Variants in RBM26 observed in about 807,000 individuals in gnomAD.
The protein encoded by RBM26 is RNA-binding protein 26.
Under a neutral mutation model 123.6 loss-of-function variants are expected in RBM26, and 30 were observed. The observed-to-expected ratio is 0.24, with a 90% confidence interval of 0.18 to 0.33. The LOEUF is 0.33. Among genes scored for constraint, RBM26 ranks in the 10% least tolerant of loss-of-function variants. The probability of loss-of-function intolerance (pLI) is 1.00; values close to 1 mark genes in which losing one functional copy is unlikely to be tolerated. For missense variants in RBM26, 947 were observed against 1,203.6 expected (o/e 0.79, Z 3.15); for synonymous variants, 400 against 404.4 (o/e 0.99, Z 0.13).
chr13:79,387,641 C>T (rs1410334), intron 1 of RBM26, among the ~76,000 whole-genome samples: 21,636 of 151,780 alleles, frequency 0.14, 3,807 homozygotes, highest in African/African-American at 0.42. Flanking sequence ...GCTTTCACCA[C>T]CTTGCGCTCT....
At chr13:79,339,241 T>C (rs962306970) in intron 18 of RBM26, among the ~76,000 whole-genome samples, 16 of 152,196 alleles carry the variant, frequency 1.1e-4, no homozygotes, top group African/African-American at 3.1e-4. Context: ...AGCAGAATGG[T>C]GGTTACCAGG....
chr13:79,395,144 T>C (rs2078445934), intron 1 of RBM26, among the ~76,000 whole-genome samples: 1 of 152,282 alleles, frequency 6.6e-6, no homozygotes, highest in South Asian at 2.1e-4. Context: ...ACACAAAAGA[T>C]CTAGCATAAA....
At chr13:79,373,464 A>T (rs1376764695) in intron 3 of RBM26, among the ~76,000 whole-genome samples, 46,915 of 66,160 alleles carry the variant, frequency 0.71, 13,978 homozygotes, top group South Asian at 0.73. Context: ...AATATATATA[A>T]TATGTATAAA....
chr13:79,323,406 TAA>T (rs2067937247), intron 20 of RBM26, among the ~76,000 whole-genome samples: 3 of 151,612 alleles, frequency 2.0e-5, no homozygotes, highest in African/African-American at 7.2e-5. Flanking sequence ...ATGATAAATT[TAA>T]AAGATTTCAT....
intron 1 of RBM26, among the ~76,000 whole-genome samples, chr13:79,386,611 A>AAAAAAAAAAG: frequency 7.2e-6 from 1 of 139,326 alleles, no homozygotes; most frequent in Non-Finnish European, 1.6e-5. Context: ...AAAAAAAAAA[A>AAAAAAAAAAG]GGTGTATCTG....
chr13:79,401,963 T>G (rs1490460899), intron 1 of RBM26, among the ~76,000 whole-genome samples: 2 of 152,056 alleles, frequency 1.3e-5, no homozygotes. Flanking sequence ...TACATCCACC[T>G]GCCCCTCAAT....
intron 1 of RBM26, among the ~76,000 whole-genome samples, chr13:79,387,964 G>T (rs1288872954): frequency 6.6e-6 from 1 of 152,140 alleles, no homozygotes; most frequent in Non-Finnish European, 1.5e-5. Context: ...AGATAACTAT[G>T]CCTGCCTTTT....
intron 19 of RBM26, among the ~76,000 whole-genome samples, chr13:79,336,663 A>G (rs1222587995): frequency 6.6e-6 from 1 of 152,228 alleles, no homozygotes; most frequent in Non-Finnish European, 1.5e-5. Flanking sequence ...ACACTGACGG[A>G]GGCAACTTCA....
Position 79,319,788 on chromosome 13 carries a change from G to A in RBM26, c.*833C>T, listed in dbSNP as rs2067469630. The A allele has an allele frequency of 2.0e-6, 2 of 977,050 alleles. No homozygotes were observed. The highest frequency in any genetic ancestry group is 4.7e-5 in the South Asian group (1 of 21,142). The allele number at this position is 977,050 out of a possible 1,614,324, so 60.5% of individuals were successfully genotyped here. Reference sequence around the variant, plus strand: ...AACATTGGATTGTACATTATTGTAAGGGTACCAGTAACCATTATTATTAAG... The same window carrying A: ...AACATTGGATTGTACATTATTGTAAAGGTACCAGTAACCATTATTATTAAG... On this transcript the variant is annotated 3_prime_UTR_variant, in exon 22 of 22. Coordinates refer to ENST00000438737, the MANE Select transcript of RBM26 (RefSeq NM_001366735.2).
At chr13:79,372,285 CA>C (rs1327460686) in intron 3 of RBM26, among the ~76,000 whole-genome samples, 1 of 151,938 alleles carries the variant, frequency 6.6e-6, no homozygotes, top group Non-Finnish European at 1.5e-5. Flanking sequence ...TGCCTCAAAA[CA>C]AACAAACAAA....
chr13:79,361,205 G>C (rs1340036104), intron 9 of RBM26, among the ~76,000 whole-genome samples: 2 of 151,854 alleles, frequency 1.3e-5, no homozygotes, highest in African/African-American at 4.8e-5. Context: ...AATCATCCCA[G>C]TCAAGTCATA....
chr13:79,372,699 A>C (rs538598711), intron 3 of RBM26, among the ~76,000 whole-genome samples: 1 of 143,098 alleles, frequency 7.0e-6, no homozygotes, highest in East Asian at 2.0e-4. Context: ...ATACATGTTT[A>C]TATATATAAA....
chr13:79,394,077 C>A (rs957229325), intron 1 of RBM26, among the ~76,000 whole-genome samples: 2 of 152,144 alleles, frequency 1.3e-5, no homozygotes, highest in African/African-American at 4.8e-5. Flanking sequence ...AAGCCGGGAT[C>A]CCCCGCAGAT....
At chr13:79,350,280 T>C (rs1232459896) in intron 14 of RBM26, among the ~76,000 whole-genome samples, 1 of 152,180 alleles carries the variant, frequency 6.6e-6, no homozygotes, top group Admixed American at 6.6e-5. Flanking sequence ...AATCTGATAT[T>C]TAAAGCTGAT....
chr13:79,381,040 G>A (rs1452796769), intron 1 of RBM26, among the ~76,000 whole-genome samples: 1 of 152,084 alleles, frequency 6.6e-6, no homozygotes, highest in Non-Finnish European at 1.5e-5. Context: ...AATAATAGCA[G>A]TAGTTAATTA....
In RBM26 at chr13:79,358,422, T is replaced by C. The variant is rs143209651; in HGVS notation, c.1541A>G (p.Asn514Ser). The stretch of plus-strand genomic sequence containing the variant: ...CTGAAAGCCTGGGCTGTTTGTTCTA[T>C]TAAAATTTGGTCTGCAAACAAAATT... ...KKTWFDKPNF[N>S]RTNSPGFQKK... is the part of the protein sequence containing the mutation. Residue 514 changes from asparagine to serine, a missense_variant, in exon 11 of 22, where the codon AAT becomes AGT. By Grantham distance (46) the Asn-to-Ser change is conservative. Around this residue, in one of 5 missense-constraint regions of RBM26, gnomAD observed 493 missense variants for 563.1 expected, o/e 0.88. Coordinates refer to ENST00000438737, the MANE Select transcript of RBM26 (RefSeq NM_001366735.2). 3.6e-4 allele frequency: 585 copies of C among 1,608,282 alleles called. No individual in the cohort carries two copies. Among genetic ancestry groups the C allele is most frequent in the Non-Finnish European group, 4.7e-4 (551 of 1,178,318 alleles).
At chr13:79,344,364 G>A in intron 15 of RBM26, 42 bp from the exon 16 acceptor site, 1 of 1,368,064 alleles carries the variant, frequency 7.3e-7, no homozygotes, top group Non-Finnish European at 1.0e-6. Context: ...TATTACTAAG[G>A]ATAAACAATA....
chr13:79,380,698 A>G (rs1245045585), intron 1 of RBM26, among the ~76,000 whole-genome samples: 1 of 152,086 alleles, frequency 6.6e-6, no homozygotes, highest in East Asian at 1.9e-4. Context: ...TAGTTACCCT[A>G]CAGTGTTAAA....
Position 79,405,814 on chromosome 13 carries a change from C to T in RBM26, c.-40G>A, listed in dbSNP as rs757012093. 58 of 1,379,212 alleles carry T rather than the reference C, an allele frequency of 4.2e-5. 1 individual carries two copies. The highest frequency in any genetic ancestry group is 3.8e-4 in the Middle Eastern group (2 of 5,326). 85.4% of individuals were successfully genotyped at this position (1,379,212 alleles called of 1,614,324 possible). ...AGGCCCGTCACACTCCTCCGCCCGCCCAGGTCGCGGCCGCTACAGCCGCCG... is the reference window on the plus strand; with the variant it reads ...AGGCCCGTCACACTCCTCCGCCCGCTCAGGTCGCGGCCGCTACAGCCGCCG... On this transcript the variant is annotated 5_prime_UTR_variant, in exon 1 of 22. Coordinates refer to ENST00000438737, the MANE Select transcript of RBM26 (RefSeq NM_001366735.2).
Sources: gnomAD v4.1 joint callset for allele counts (sites outside exome capture counted in the v4.1 genomes callset) on GRCh38, gnomAD v4.1.1 for gene constraint, gnomAD v4.1.1 regional missense constraint, MANE v1.5 for transcripts, NCBI Gene and HGNC (gene_info 2026-07-23, HGNC 2026-07-21) for gene names.